Variants in SH3D19 observed in about 807,000 individuals in gnomAD.
The protein encoded by SH3D19 is SH3 domain-containing protein 19.
A neutral mutation model predicts 112.1 loss-of-function variants in SH3D19; 58 were observed. That is an observed-to-expected ratio of 0.52 (90% CI 0.42 to 0.64). The LOEUF (loss-of-function observed/expected upper bound fraction) is 0.64, where lower values mean the gene tolerates loss of function less well. Among genes scored for constraint, SH3D19 ranks in the 30% least tolerant of loss-of-function variants. The pLI is 0.00. For missense variants in SH3D19, 1,090 were observed against 1,263.4 expected (o/e 0.86, Z 2.08); for synonymous variants, 391 against 448.5 (o/e 0.87, Z 1.62).
intron 7 of SH3D19, among the ~76,000 whole-genome samples, chr4:151,169,359 T>TG (rs1215814620): frequency 3.3e-5 from 5 of 152,152 alleles, no homozygotes; most frequent in Non-Finnish European, 5.9e-5. Context: ...GCAGGCTGTT[T>TG]GGCAGGAGTG....
At chr4:151,280,726 G>C (rs1774135256) in intron 1 of SH3D19, among the ~76,000 whole-genome samples, 1 of 151,942 alleles carries the variant, frequency 6.6e-6, no homozygotes, top group South Asian at 2.1e-4. Context: ...AGGAGTTCAA[G>C]GCTGCAGTGA....
chr4:151,134,519 G>T (rs938885182), intron 15 of SH3D19, among the ~76,000 whole-genome samples: 1 of 152,138 alleles, frequency 6.6e-6, no homozygotes, highest in Non-Finnish European at 1.5e-5. Flanking sequence ...TATTTCTATA[G>T]GATTTAATTA....
At chr4:151,186,799 T>C (rs1273995795) in intron 3 of SH3D19, among the ~76,000 whole-genome samples, 1 of 149,630 alleles carries the variant, frequency 6.7e-6, no homozygotes, top group African/African-American at 2.5e-5. Context: ...ACATAATTTT[T>C]TTTTTTTTTT....
chr4:151,249,717 T>A (rs897645017), intron 1 of SH3D19, among the ~76,000 whole-genome samples: 1 of 152,098 alleles, frequency 6.6e-6, no homozygotes, highest in Non-Finnish European at 1.5e-5. Context: ...AGAAATCAGA[T>A]CTGACCTTTT....
intron 1 of SH3D19, among the ~76,000 whole-genome samples, chr4:151,231,287 T>G (rs916539881): frequency 1.3e-5 from 2 of 152,156 alleles, no homozygotes; most frequent in African/African-American, 4.8e-5. Flanking sequence ...ATATCAGAAT[T>G]TCAAATAACT....
intron 1 of SH3D19, among the ~76,000 whole-genome samples, chr4:151,234,752 T>G (rs1245422876): frequency 7.7e-6 from 1 of 129,934 alleles, no homozygotes; most frequent in Non-Finnish European, 1.6e-5. Context: ...TTTTTTTTTT[T>G]TTTTTTTTTT....
At chr4:151,258,881 C>A (rs1171810839) in intron 1 of SH3D19, among the ~76,000 whole-genome samples, 6 of 152,202 alleles carry the variant, frequency 3.9e-5, no homozygotes, top group South Asian at 4.1e-4. Context: ...AGGACAGAGA[C>A]ACGGGCACTG....
rs375797504 is a variant in SH3D19, at chr4:151,305,399, A to C, written c.112+19842T>G. 2.3e-3 allele frequency among the ~76,000 whole-genome samples: 346 copies of C among 152,322 alleles called. 1 individual carries two copies. Among genetic ancestry groups the C allele is most frequent in the Non-Finnish European group, 3.7e-3 (251 of 68,016 alleles). ...AATCTTTTGTTGGATATATGATTTGAAAATATTTTCTCCTAGTCTGTAGCT... is the reference window on the plus strand; with the variant it reads ...AATCTTTTGTTGGATATATGATTTGCAAATATTTTCTCCTAGTCTGTAGCT... On this transcript the variant is annotated intron_variant, in intron 1 of 19. Coordinates refer to ENST00000604030, the MANE Select transcript of SH3D19 (RefSeq NM_001378122.1).
At chr4:151,212,636 T>C (rs1766155893) in intron 2 of SH3D19, among the ~76,000 whole-genome samples, 1 of 152,250 alleles carries the variant, frequency 6.6e-6, no homozygotes, top group Non-Finnish European at 1.5e-5. Context: ...TCATTGACAA[T>C]GCACCTGGTC....
At chr4:151,266,396 G>A (rs1419050145) in intron 1 of SH3D19, 1 of 152,172 alleles carries the variant, frequency 6.6e-6, no homozygotes, top group East Asian at 1.9e-4. Flanking sequence ...TTGTAAAGAT[G>A]AGCTATTTCA....
chr4:151,224,957 A>G (rs547045340), intron 2 of SH3D19, among the ~76,000 whole-genome samples: 1 of 152,324 alleles, frequency 6.6e-6, no homozygotes, highest in African/African-American at 2.4e-5. Flanking sequence ...ATTATACACA[A>G]AAAAGAATGA....
intron 1 of SH3D19, among the ~76,000 whole-genome samples, chr4:151,237,116 G>A (rs1190797366): frequency 2.0e-5 from 3 of 152,088 alleles, no homozygotes; most frequent in East Asian, 3.9e-4. Flanking sequence ...CACCGCGAAA[G>A]TCTGCAGCTT....
intron 1 of SH3D19, among the ~76,000 whole-genome samples, chr4:151,271,334 T>C (rs1052730210): frequency 3.9e-5 from 6 of 152,254 alleles, no homozygotes; most frequent in Non-Finnish European, 7.3e-5. Flanking sequence ...CCATTTGCCC[T>C]TTCTGTTAAT....
At chr4:151,314,558 G>A (rs1277283169) in intron 1 of SH3D19, among the ~76,000 whole-genome samples, 4 of 152,158 alleles carry the variant, frequency 2.6e-5, no homozygotes, top group African/African-American at 9.7e-5. Flanking sequence ...CAAGAATCTA[G>A]GTATCTTATA....
chr4:151,312,427 A>C (rs1380751526), intron 1 of SH3D19, among the ~76,000 whole-genome samples: 1 of 152,206 alleles, frequency 6.6e-6, no homozygotes, highest in African/African-American at 2.4e-5. Flanking sequence ...GGAAGTAATG[A>C]ATCTGGAAAT....
chr4:151,201,636 A>G (rs979982951), intron 2 of SH3D19, among the ~76,000 whole-genome samples: 1 of 152,240 alleles, frequency 6.6e-6, no homozygotes, highest in Non-Finnish European at 1.5e-5. Context: ...AAATAGTATC[A>G]CAAATATAGA....
In SH3D19 at chr4:151,132,286, G is replaced by A. The variant is rs375619848; in HGVS notation, c.2742+45C>T. 4.7e-6 allele frequency: 7 copies of A among 1,501,494 alleles called. No individual in the cohort carries two copies. The African/African-American group carries it at 8.3e-5, about 18-fold the overall frequency. The allele number at this position is 1,501,494 out of a possible 1,614,324, so 93.0% of individuals were successfully genotyped here. ...TTATGATTTTAATATTCCTCCCAGA[G>A]TCTGAACCTGGCTGTCACTATAGTC... On this transcript the variant is annotated intron_variant, in intron 17 of 19. Coordinates refer to ENST00000604030, the MANE Select transcript of SH3D19 (RefSeq NM_001378122.1).
intron 1 of SH3D19, among the ~76,000 whole-genome samples, chr4:151,238,641 C>G (rs1206702028): frequency 6.6e-6 from 1 of 152,070 alleles, no homozygotes; most frequent in East Asian, 1.9e-4. Flanking sequence ...GAACACTCAG[C>G]TCTGGCAACA....
At chr4:151,279,861 C>T in intron 1 of SH3D19, 1 of 1,508,244 alleles carries the variant, frequency 6.6e-7, no homozygotes. Context: ...AGGGCGCTGG[C>T]CTTGGCAGGT....
Sources: allele counts gnomAD v4.1 joint callset (sites outside exome capture counted in the v4.1 genomes callset), GRCh38; gene constraint gnomAD v4.1.1; transcripts MANE v1.5; gene names NCBI Gene and HGNC (gene_info 2026-07-23, HGNC 2026-07-21).